Variants in WT1 observed in about 807,000 individuals in gnomAD.
WT1 encodes the protein WT1 transcription factor.
WT1 carries 8 observed loss-of-function variants against 60.8 expected under a neutral mutation model. That is an observed-to-expected ratio of 0.13 (90% confidence interval 0.08 to 0.24). WT1 has a LOEUF of 0.24. Among genes scored for constraint, WT1 ranks in the 10% least tolerant of loss-of-function variants. The pLI, the probability that WT1 is intolerant of heterozygous loss-of-function variation, is 1.00. For synonymous variants in WT1, 312 were observed against 297.1 expected, an observed-to-expected ratio of 1.05 and a Z score of -0.52; for missense variants, 568 against 711.8, an observed-to-expected ratio of 0.80 and a Z score of 2.30.
In WT1 at chr11:32,388,096, T is replaced by C. The variant is rs891333731; in HGVS notation, c.*962A>G. 3.8e-5 allele frequency: 9 copies of C among 235,958 alleles called. No individual in the cohort carries two copies. Among genetic ancestry groups the C allele is most frequent in the African/African-American group, 2.0e-4 (9 of 45,394 alleles). The allele number at this position is 235,958 out of a possible 1,614,324, so 14.6% of individuals were successfully genotyped here. On this transcript the variant is annotated 3_prime_UTR_variant, in exon 10 of 10. Transcript: ENST00000452863. Reference sequence around the variant, plus strand: ...TAAGTCTCATTTTTTTCACATATACTTGTAGACCCAAAGGTCCTTAAGTTA... The same window carrying C: ...TAAGTCTCATTTTTTTCACATATACCTGTAGACCCAAAGGTCCTTAAGTTA...
chr11:32,410,314 A>C (rs1223783592), intron 5 of WT1, among the ~76,000 whole-genome samples: 5 of 152,196 alleles, frequency 3.3e-5, no homozygotes, highest in Non-Finnish European at 1.5e-5. Context: ...AAATAAAAGC[A>C]GAACAATTTA....
intron 3 of WT1, 111 bp downstream of exon 3, chr11:32,427,845 C>T (rs1853107384): frequency 2.1e-6 from 2 of 972,452 alleles, no homozygotes; most frequent in East Asian, 5.3e-5. Context: ...CCTCCAAGAC[C>T]CTGCATGCCC....
intron 7 of WT1, among the ~76,000 whole-genome samples, chr11:32,393,254 A>T (rs1204398718): frequency 6.6e-6 from 1 of 152,112 alleles, no homozygotes; most frequent in East Asian, 1.9e-4. Flanking sequence ...TTTGCTACTG[A>T]CTCCTTGTTC....
At chr11:32,403,230 A>G (rs142831766) in intron 5 of WT1, among the ~76,000 whole-genome samples, 183 of 152,206 alleles carry the variant, frequency 1.2e-3, no homozygotes, top group African/African-American at 3.9e-3. Flanking sequence ...GCAATTCCAC[A>G]CTGTGGAAAC....
chr11:32,408,370 C>T (rs911431930), intron 5 of WT1, among the ~76,000 whole-genome samples: 1 of 151,450 alleles, frequency 6.6e-6, no homozygotes, highest in Admixed American at 6.6e-5. Flanking sequence ...AAAACATTAG[C>T]CGGGTGTCGT....
At position 32,435,030 on chromosome 11, in the gene WT1, G is replaced by T; in HGVS notation, c.331C>A (p.Leu111Met). The change falls in exon 1 of 10, where the codon CTG (leucine) becomes ATG (methionine). Residue 111 changes from leucine to methionine, a missense_variant. Physicochemically the swap from Leu to Met is conservative, Grantham distance 15. Around this residue, in one of 3 missense-constraint regions of WT1, gnomAD observed 523 missense variants for 565.1 expected, o/e 0.93. Transcript: ENST00000452863. Reference sequence around the variant, plus strand: ...GAAGCGCCCGGGGGCGCAAAGTCCAGCACCGGCGCCCACTGCGCCGCGCCG... The same window carrying T: ...GAAGCGCCCGGGGGCGCAAAGTCCATCACCGGCGCCCACTGCGCCGCGCCG... 1.4e-6 allele frequency: 2 copies of T among 1,466,948 alleles called. No homozygotes were observed. The highest frequency in any genetic ancestry group is 1.8e-6 in the Non-Finnish European group (2 of 1,121,068). The allele number at this position is 1,466,948 out of a possible 1,614,324, so 90.9% of individuals were successfully genotyped here. A position where few individuals can be genotyped will look rare whatever the true frequency, so the allele number is the denominator to read the frequency against.
chr11:32,422,386 C>T (rs1852883293), intron 3 of WT1, among the ~76,000 whole-genome samples: 1 of 152,240 alleles, frequency 6.6e-6, no homozygotes, highest in South Asian at 2.1e-4. Context: ...GCTTTGATAA[C>T]ATTGCCCATC....
In WT1 at chr11:32,414,359, G is replaced by A. The variant is rs529741511; in HGVS notation, c.1016+2131C>T. ...CTGATCTTGGCTCACTGCAACCTCC[G>A]CCTCCCAAGCTCAAGCAATCCGCCC... On this transcript the variant is annotated intron_variant, in intron 5 of 9. Transcript: ENST00000452863. 5.3e-5 allele frequency among the ~76,000 whole-genome samples: 8 copies of A among 152,232 alleles called. No individual in the cohort carries two copies. The East Asian group carries it at 7.7e-4, about 15-fold the overall frequency.
chr11:32,408,483 C>T (rs929654613), intron 5 of WT1, among the ~76,000 whole-genome samples: 8 of 132,154 alleles, frequency 6.1e-5, no homozygotes, highest in African/African-American at 2.1e-4. Context: ...CCATTTCACT[C>T]CAGCCTGGGC....
chr11:32,392,991 C>G (rs1300719651), intron 7 of WT1, among the ~76,000 whole-genome samples: 1 of 151,464 alleles, frequency 6.6e-6, no homozygotes, highest in Non-Finnish European at 1.5e-5. Context: ...AAAAAAAGCC[C>G]TGGGTGAGGT....
intron 4 of WT1, 94 bp from the exon 5 acceptor site, chr11:32,416,634 T>G: frequency 6.9e-7 from 1 of 1,448,126 alleles, no homozygotes; most frequent in Non-Finnish European, 9.7e-7. Context: ...AGCCCCTCAA[T>G]ACACAGAGAC....
intron 7 of WT1, among the ~76,000 whole-genome samples, chr11:32,394,200 T>C (rs1172903419): frequency 6.6e-6 from 1 of 152,290 alleles, no homozygotes; most frequent in Non-Finnish European, 1.5e-5. Context: ...GCCCCTTTCT[T>C]TGTATTTGTA....
intron 1 of WT1, among the ~76,000 whole-genome samples, chr11:32,431,715 A>C (rs1008227627): frequency 3.9e-5 from 6 of 151,916 alleles, no homozygotes; most frequent in Admixed American, 2.0e-4. Flanking sequence ...GTCCGGCCCA[A>C]GCAAGCTTTT....
rs528702262 is a variant in WT1 at position 32,408,213 on chromosome 11, G to GAAAA, written c.1017-8173_1017-8170dup. ...GGCTACAGAGTGAAACTCCATCTCA[G>GAAAA]AAAAAAAAAAAAAAAAATGCTGGGC... is the stretch of plus-strand genomic sequence containing the variant. On this transcript the variant is annotated intron_variant, in intron 5 of 9. Coordinates refer to ENST00000452863, the MANE Select transcript of WT1 (RefSeq NM_024426.6). 1.6e-3 allele frequency among the ~76,000 whole-genome samples: 172 copies of GAAAA among 108,002 alleles called. 2 individuals carry two copies. The highest frequency in any genetic ancestry group is 6.5e-3 in the South Asian group (21 of 3,250). 70.9% of individuals were successfully genotyped at this position (108,002 alleles called of 152,430 possible).
intron 1 of WT1, among the ~76,000 whole-genome samples, chr11:32,432,715 T>C (rs1450096691): frequency 6.6e-6 from 1 of 152,118 alleles, no homozygotes; most frequent in Non-Finnish European, 1.5e-5. Flanking sequence ...AGAAGTGTAA[T>C]GCCTGCTGGC....
intron 5 of WT1, among the ~76,000 whole-genome samples, chr11:32,401,098 A>G (rs1852139149): frequency 6.6e-6 from 1 of 152,242 alleles, no homozygotes; most frequent in Non-Finnish European, 1.5e-5. Flanking sequence ...AGTAGAATCA[A>G]CCCAAATGTC....
chr11:32,422,435 T>C (rs1158149615), intron 3 of WT1, among the ~76,000 whole-genome samples: 1 of 152,252 alleles, frequency 6.6e-6, no homozygotes, highest in African/African-American at 2.4e-5. Flanking sequence ...CTTCTGCCTA[T>C]CATTGCAGGA....
At chr11:32,405,184 C>T (rs927522723) in intron 5 of WT1, among the ~76,000 whole-genome samples, 1 of 152,150 alleles carries the variant, frequency 6.6e-6, no homozygotes, top group Admixed American at 6.6e-5. Flanking sequence ...GGGACGGCTA[C>T]CCTGGCCACA....
Position 32,413,084 on chromosome 11 carries a change from C to T in WT1, c.1016+3406G>A, listed in dbSNP as rs78828738. ...TCTTTGTGAAGCCACTTTTTTGAAA[C>T]GAAACATTTTCAAGGAAAGAAGACC... On this transcript the variant is annotated intron_variant, in intron 5 of 9. Transcript: ENST00000452863. 6.7e-3 allele frequency among the ~76,000 whole-genome samples: 1,025 copies of T among 152,236 alleles called. 8 individuals are homozygous for T. The highest frequency in any genetic ancestry group is 0.01 in the Middle Eastern group (3 of 294).
Sources: allele counts gnomAD v4.1 joint callset (sites outside exome capture counted in the v4.1 genomes callset), GRCh38; gene constraint gnomAD v4.1.1; regional missense constraint gnomAD v4.1.1; transcripts MANE v1.5; gene names NCBI Gene and HGNC (gene_info 2026-07-23, HGNC 2026-07-21).